The following SH3GL2 variants were observed in gnomAD, a reference collection of about 807,000 sequenced individuals.
SH3GL2 encodes the protein SH3 domain containing GRB2 like 2, endophilin A1.
In SH3GL2, 24 loss-of-function variants were observed where a neutral mutation model predicts 46.0. That is an observed-to-expected ratio of 0.52 (90% CI 0.38 to 0.73). SH3GL2 has a LOEUF of 0.73. Ranked by LOEUF, SH3GL2 falls within the 30% of genes least tolerant of loss-of-function variation. The pLI is 0.00. For synonymous variants in SH3GL2, 196 were observed against 147.1 expected, an observed-to-expected ratio of 1.33 and a Z score of -2.40; for missense variants, 413 against 424.2, an observed-to-expected ratio of 0.97 and a Z score of 0.23.
At chr9:17,705,142 T>C (rs1428351088) in intron 1 of SH3GL2, among the ~76,000 whole-genome samples, 1 of 151,928 alleles carries the variant, frequency 6.6e-6, no homozygotes, top group Non-Finnish European at 1.5e-5. Context: ...TATAAAAACA[T>C]GCTCAACATC....
intron 1 of SH3GL2, among the ~76,000 whole-genome samples, chr9:17,689,557 G>A (rs1037695357): frequency 1.3e-5 from 2 of 151,996 alleles, no homozygotes; most frequent in African/African-American, 4.8e-5. Flanking sequence ...GGCCCCATGT[G>A]ATTTGGCCCT....
At chr9:17,676,629 A>G (rs534659876) in intron 1 of SH3GL2, among the ~76,000 whole-genome samples, 3 of 152,318 alleles carry the variant, frequency 2.0e-5, no homozygotes, top group Non-Finnish European at 2.9e-5. Context: ...AACAAAAAGT[A>G]TATCACAAAT....
At chr9:17,716,239 C>G (rs923800759) in intron 1 of SH3GL2, among the ~76,000 whole-genome samples, 4 of 152,066 alleles carry the variant, frequency 2.6e-5, no homozygotes, top group Admixed American at 2.6e-4. Context: ...CTTTGCAATG[C>G]CTAATAATCT....
chr9:17,663,888 A>C (rs1167931972), intron 1 of SH3GL2, among the ~76,000 whole-genome samples: 1 of 152,240 alleles, frequency 6.6e-6, no homozygotes, highest in African/African-American at 2.4e-5. Flanking sequence ...TTGTCACTTC[A>C]TGAACTTATT....
intron 1 of SH3GL2, among the ~76,000 whole-genome samples, chr9:17,664,700 T>C (rs983216459): frequency 2.0e-5 from 3 of 151,332 alleles, no homozygotes; most frequent in Admixed American, 1.3e-4. Context: ...TATTCTATAA[T>C]ATAGAAATAT....
intron 1 of SH3GL2, among the ~76,000 whole-genome samples, chr9:17,681,492 G>C (rs1237457322): frequency 6.6e-6 from 1 of 151,906 alleles, no homozygotes; most frequent in Non-Finnish European, 1.5e-5. Context: ...AGAAAACATG[G>C]GCTTAATATG....
intron 1 of SH3GL2, among the ~76,000 whole-genome samples, chr9:17,666,514 T>C (rs1563803810): frequency 6.6e-6 from 1 of 151,504 alleles, no homozygotes; most frequent in Non-Finnish European, 1.5e-5. Flanking sequence ...TCATGTGTTT[T>C]CTTTTCCCAC....
intron 1 of SH3GL2, among the ~76,000 whole-genome samples, chr9:17,727,790 C>A (rs530133142): frequency 6.6e-6 from 1 of 152,270 alleles, no homozygotes; most frequent in Non-Finnish European, 1.5e-5. Context: ...TGGTGACCGG[C>A]TCCAGAACAT....
intron 1 of SH3GL2, among the ~76,000 whole-genome samples, chr9:17,602,496 C>G (rs1024574095): frequency 2.0e-5 from 3 of 152,166 alleles, no homozygotes; most frequent in African/African-American, 7.2e-5. Flanking sequence ...TCTTTCACCC[C>G]CATCTCCAGG....
At chr9:17,633,831 T>C (rs1310585472) in intron 1 of SH3GL2, among the ~76,000 whole-genome samples, 3 of 152,210 alleles carry the variant, frequency 2.0e-5, no homozygotes, top group Non-Finnish European at 4.4e-5. Context: ...GGAGTAGGTG[T>C]ATGTTCAGCT....
At chr9:17,665,674 C>A (rs1041455273) in intron 1 of SH3GL2, among the ~76,000 whole-genome samples, 1 of 151,806 alleles carries the variant, frequency 6.6e-6, no homozygotes, top group Admixed American at 6.6e-5. Context: ...CATCATACAT[C>A]ATCTTGTACT....
At chr9:17,601,457 T>C (rs995633346) in intron 1 of SH3GL2, among the ~76,000 whole-genome samples, 1 of 152,210 alleles carries the variant, frequency 6.6e-6, no homozygotes, top group Admixed American at 6.5e-5. Flanking sequence ...AACTGTGTGT[T>C]TGTGCGTGCC....
intron 4 of SH3GL2, 40 bp from the exon 5 acceptor site, chr9:17,787,340 T>C: frequency 6.3e-7 from 1 of 1,589,468 alleles, no homozygotes. Flanking sequence ...GTGCATTTCA[T>C]CTTTATTCTG....
chr9:17,673,386 A>C (rs1354742378), intron 1 of SH3GL2, among the ~76,000 whole-genome samples: 1 of 150,642 alleles, frequency 6.6e-6, no homozygotes, highest in East Asian at 2.0e-4. Flanking sequence ...ATGCAGGCTC[A>C]AGCGATCTGC....
At chr9:17,603,188 T>C (rs1407810833) in intron 1 of SH3GL2, among the ~76,000 whole-genome samples, 1 of 152,212 alleles carries the variant, frequency 6.6e-6, no homozygotes, top group African/African-American at 2.4e-5. Flanking sequence ...ATATTTTGGA[T>C]CAATTTGTCT....
intron 1 of SH3GL2, among the ~76,000 whole-genome samples, chr9:17,746,148 C>G (rs868443616): frequency 6.6e-6 from 1 of 152,174 alleles, no homozygotes; most frequent in Non-Finnish European, 1.5e-5. Context: ...GATCTCCGCT[C>G]ACTGCAGGCT....
At chr9:17,596,946 C>A (rs978604595) in intron 1 of SH3GL2, among the ~76,000 whole-genome samples, 1 of 152,096 alleles carries the variant, frequency 6.6e-6, no homozygotes, top group Admixed American at 6.6e-5. Context: ...TTCTCTGGGG[C>A]CTGCCACTCT....
At chr9:17,669,889 A>G (rs986888485) in intron 1 of SH3GL2, among the ~76,000 whole-genome samples, 2 of 152,144 alleles carry the variant, frequency 1.3e-5, no homozygotes, top group Non-Finnish European at 2.9e-5. Context: ...GCAGAAATTT[A>G]ATAGGAGAAA....
chr9:17,658,965 A>C (rs543306087), intron 1 of SH3GL2, among the ~76,000 whole-genome samples: 45 of 152,310 alleles, frequency 3.0e-4, no homozygotes, highest in Admixed American at 1.2e-3. Flanking sequence ...TTAACACTTA[A>C]ATAGGGATTC....
Sources: gnomAD v4.1 joint callset for allele counts (sites outside exome capture counted in the v4.1 genomes callset) on GRCh38, gnomAD v4.1.1 for gene constraint, MANE v1.5 for transcripts, NCBI Gene and HGNC (gene_info 2026-07-23, HGNC 2026-07-21) for gene names.